CMYA5: variants seen among roughly 807,000 people sequenced by gnomAD.
CMYA5 encodes cardiomyopathy-associated protein 5.
In CMYA5, 246 loss-of-function variants were observed where a neutral mutation model predicts 318.9. That is an observed-to-expected ratio of 0.77 (90% CI 0.70 to 0.86). CMYA5 has a LOEUF of 0.86. Ranked by LOEUF, CMYA5 falls within the 40% of genes least tolerant of loss-of-function variation. The pLI is 0.00. For synonymous variants in CMYA5, 1,641 were observed against 1,729.5 expected (o/e 0.95, Z 1.27); for missense variants, 4,589 against 4,678.2 (o/e 0.98, Z 0.56).
chr5:79,733,981 A>T lies in CMYA5; in HGVS notation c.5216A>T (p.Glu1739Val). The T allele has an allele frequency of 6.2e-7, 1 of 1,613,634 alleles. No individual in the cohort carries two copies. The highest frequency in any genetic ancestry group is 8.5e-7 in the Non-Finnish European group (1 of 1,179,826). The change falls in exon 2 of 13, where the codon GAA (glutamate) becomes GTA (valine). Residue 1739 changes from glutamate (E) to valine (V), a missense_variant. Physicochemically the swap from Glu to Val is moderately radical, Grantham distance 121. Transcript: ENST00000446378. The part of the protein sequence containing the change: ...PASVAEGGNP[E>V]EFQPFTFSLK... ...TCTGTAGCTGAAGGAGGCAACCCAG[A>T]AGAATTTCAGCCATTTACTTTTTCT... is the stretch of plus-strand genomic sequence containing the variant.
In CMYA5 at chr5:79,739,023, G is replaced by A. The variant is rs771680613; in HGVS notation, c.10258G>A (p.Glu3420Lys). ...GCTCCGTAATAGCCCTGTTCAGGAT[G>A]AGTATGAATTTACAGAATCCCTGCA... ...ERLRNSPVQD[E>K]YEFTESLHNE... The change falls in exon 2 of 13, where the codon GAG becomes AAG. Residue 3420 changes from glutamate to lysine, a missense_variant. By Grantham distance (56) the Glu-to-Lys change is moderately conservative. Around this residue, in one of 3 missense-constraint regions of CMYA5, gnomAD observed 2,431 missense variants for 2,495.1 expected, o/e 0.97. Coordinates refer to ENST00000446378, the MANE Select transcript of CMYA5 (RefSeq NM_153610.5). 8.1e-6 allele frequency: 13 copies of A among 1,613,814 alleles called. No individual in the cohort carries two copies. The highest frequency in any genetic ancestry group is 1.1e-5 in the Non-Finnish European group (13 of 1,179,866).
chr5:79,753,820 G>T (rs1209981581), intron 6 of CMYA5, among the ~76,000 whole-genome samples: 1 of 152,186 alleles, frequency 6.6e-6, no homozygotes, highest in Non-Finnish European at 1.5e-5. Context: ...TGATCTTAAT[G>T]GATTTTCTCT....
intron 1 of CMYA5, among the ~76,000 whole-genome samples, chr5:79,704,136 A>C (rs1827223066): frequency 6.6e-6 from 1 of 152,124 alleles, no homozygotes. Context: ...CAAACTGTCC[A>C]AGATGTGGTA....
At chr5:79,796,324 A>AT (rs34069132) in intron 12 of CMYA5, among the ~76,000 whole-genome samples, 20,197 of 149,482 alleles carry the variant, frequency 0.14, 1,438 homozygotes, top group Middle Eastern at 0.19. Flanking sequence ...TTTAACTTTA[A>AT]TTTTTTTTTT....
chr5:79,730,453 T>G lies in CMYA5; in HGVS notation c.1688T>G (p.Ile563Ser). The G allele has an allele frequency of 1.2e-6, 2 of 1,613,932 alleles. No homozygotes were observed. Among genetic ancestry groups the G allele is most frequent in the South Asian group, 2.2e-5 (2 of 91,080 alleles). The change falls in exon 2 of 13, where the codon ATT becomes AGT. Residue 563 changes from isoleucine to serine, a missense_variant. By Grantham distance (142) the Ile-to-Ser change is moderately radical (BLOSUM62 -2). Transcript: ENST00000446378. Reference protein sequence around the residue: ...PEVEHKEEELILPLLAASSPE... With the variant: ...PEVEHKEEELSLPLLAASSPE... ...GTGGAGCACAAAGAAGAAGAGCTTA[T>G]TCTACCATTATTGGCAGCATCATCT... is the stretch of plus-strand genomic sequence containing the variant.
intron 9 of CMYA5, among the ~76,000 whole-genome samples, chr5:79,764,839 T>G (rs1828720191): frequency 1.3e-5 from 2 of 151,748 alleles, no homozygotes. Context: ...TTGATGGGGT[T>G]TTTTTTTCTT....
intron 2 of CMYA5, 67 bp from the exon 3 acceptor site, chr5:79,743,760 G>A (rs567204668): frequency 1.3e-6 from 1 of 758,104 alleles, no homozygotes; most frequent in Admixed American, 2.9e-5. Flanking sequence ...AAGGAACTTG[G>A]AGCTCACTGG....
chr5:79,793,355 G>C, intron 11 of CMYA5, 82 bp from the exon 12 acceptor site: 1 of 1,356,048 alleles, frequency 7.4e-7, no homozygotes, highest in Non-Finnish European at 1.0e-6. Flanking sequence ...CCTAAACTGT[G>C]TGAGTTTGTG....
rs1197350152 is a variant in CMYA5 at position 79,730,645 on chromosome 5, A to G, written c.1880A>G (p.His627Arg). ...TCCAATGTAGAAGCTATAGCTGAAC[A>G]TGCAGTTTTGTCAGAAGAAGAGAAT... ...PPSNVEAIAE[H>R]AVLSEEENEE... The change falls in exon 2 of 13, where the codon CAT becomes CGT. Residue 627 changes from histidine (H) to arginine (R), a missense_variant. His to Arg is a conservative substitution (Grantham distance 29). This residue lies in a region of CMYA5 where 2,132 missense variants were observed against 2,131.3 expected (regional missense o/e 1.00). Transcript: ENST00000446378. 2.5e-6 allele frequency: 4 copies of G among 1,614,058 alleles called. No individual in the cohort carries two copies. Among genetic ancestry groups the G allele is most frequent in the South Asian group, 1.1e-5 (1 of 91,088 alleles).
intron 1 of CMYA5, among the ~76,000 whole-genome samples, chr5:79,710,740 C>A (rs541895351): frequency 1.3e-5 from 2 of 152,094 alleles, no homozygotes; most frequent in Non-Finnish European, 1.5e-5. Context: ...AAATCTTGAA[C>A]TTTCCCCTGA....
chr5:79,776,492 T>C (rs564172709), intron 9 of CMYA5, among the ~76,000 whole-genome samples: 1 of 152,302 alleles, frequency 6.6e-6, no homozygotes, highest in East Asian at 1.9e-4. Context: ...AGTTTTTTTT[T>C]CCTTCCCACC....
At chr5:79,766,354 G>T (rs1367526270) in intron 9 of CMYA5, among the ~76,000 whole-genome samples, 1 of 152,188 alleles carries the variant, frequency 6.6e-6, no homozygotes, top group Non-Finnish European at 1.5e-5. Flanking sequence ...GACCTCCTTG[G>T]TCTCCCAAAT....
In CMYA5 at chr5:79,689,867, G is replaced by GCGGCTCCGGCTC; in HGVS notation, c.-36_-25dup. The stretch of plus-strand genomic sequence containing the variant: ...AGGGAGAACACCAGGCGCGGCGCGG[G>GCGGCTCCGGCTC]CGGCTCCGGCTCCGGCCCCGGCCCA... On this transcript the variant is annotated 5_prime_UTR_variant, in exon 1 of 13. Coordinates refer to ENST00000446378, the MANE Select transcript of CMYA5 (RefSeq NM_153610.5). 3 of 661,680 alleles carry GCGGCTCCGGCTC rather than the reference G, an allele frequency of 4.5e-6. No homozygotes were observed. The highest frequency in any genetic ancestry group is 5.4e-6 in the Non-Finnish European group (2 of 370,040). 41.0% of individuals were successfully genotyped at this position (661,680 alleles called of 1,614,324 possible). A position where few individuals can be genotyped will look rare whatever the true frequency, so the allele number is the denominator to read the frequency against.
At position 79,793,454 on chromosome 5, in the gene CMYA5, G is replaced by C. The variant is rs369799439; in HGVS notation, c.11807G>C (p.Gly3936Ala). 2.5e-5 allele frequency: 40 copies of C among 1,613,242 alleles called. No homozygotes were observed. The African/African-American group carries it at 4.5e-4, about 18-fold the overall frequency. ...ACCCACAGAATCCCGTCAGTGCTGG[G>C]TGAGGAGCTGCCTTCCTGTGGCCAG... ...RRLTEIPSVL[G>A]EELPSCGQHY... Residue 3936 changes from glycine to alanine, a missense_variant, in exon 12 of 13, where the codon GGT (glycine) becomes GCT (alanine). Physicochemically the swap from Gly to Ala is moderately conservative, Grantham distance 60. Around this residue, in one of 3 missense-constraint regions of CMYA5, gnomAD observed 2,431 missense variants for 2,495.1 expected, o/e 0.97. Coordinates refer to ENST00000446378, the MANE Select transcript of CMYA5 (RefSeq NM_153610.5).
At chr5:79,791,126 T>C in intron 11 of CMYA5, 57 bp downstream of exon 11, 1 of 1,251,008 alleles carries the variant, frequency 8.0e-7, no homozygotes, top group African/African-American at 1.5e-5. Flanking sequence ...GGTCTTAGGG[T>C]GTGTCGCCTC....
In CMYA5 at chr5:79,729,472, A is replaced by T. The variant is rs1385428750; in HGVS notation, c.707A>T (p.Lys236Ile). ...AAAATTAAGATGTTTAATTCGGTTA[A>T]AGAAGAATTAATTCCTCTACAATTT... ...QYKIKMFNSV[K>I]EELIPLQFYG... Residue 236 changes from lysine (K) to isoleucine (I), a missense_variant, in exon 2 of 13, where the codon AAA becomes ATA. By Grantham distance (102) the Lys-to-Ile change is moderately radical. Coordinates refer to ENST00000446378, the MANE Select transcript of CMYA5 (RefSeq NM_153610.5). 1 of 1,608,354 alleles carries T rather than the reference A, an allele frequency of 6.2e-7. No homozygotes were observed. Among genetic ancestry groups the T allele is most frequent in the Non-Finnish European group, 8.5e-7 (1 of 1,175,672 alleles).
intron 2 of CMYA5, 96 bp downstream of exon 2, chr5:79,739,499 T>C: frequency 1.0e-6 from 1 of 981,098 alleles, no homozygotes; most frequent in African/African-American, 1.7e-5. Flanking sequence ...TAATATTTGA[T>C]CATTGATCTT....
At chr5:79,706,283 G>A (rs1001205028) in intron 1 of CMYA5, among the ~76,000 whole-genome samples, 2 of 152,168 alleles carry the variant, frequency 1.3e-5, no homozygotes, top group African/African-American at 2.4e-5. Flanking sequence ...CATAACATCT[G>A]TATGCAGAAG....
At chr5:79,745,154 C>CA (rs35310955) in intron 3 of CMYA5, 68 bp from the exon 4 acceptor site, 189,179 of 854,814 alleles carry the variant, frequency 0.22, 4,064 homozygotes, top group African/African-American at 0.34. Context: ...CTGGTGTTTC[C>CA]AAAAAAAAAA....
Sources: gnomAD v4.1 joint callset for allele counts (sites outside exome capture counted in the v4.1 genomes callset) on GRCh38, gnomAD v4.1.1 for gene constraint, gnomAD v4.1.1 regional missense constraint, MANE v1.5 for transcripts, NCBI Gene and HGNC (gene_info 2026-07-23, HGNC 2026-07-21) for gene names.